The following COL16A1 variants were observed in gnomAD, a reference collection of about 807,000 sequenced individuals.
COL16A1 encodes the protein collagen type XVI alpha 1 chain.
COL16A1 carries 189 observed loss-of-function variants against 266.3 expected under a neutral mutation model. The observed-to-expected ratio is 0.71, with a 90% CI of 0.63 to 0.80. COL16A1 has a LOEUF of 0.80. COL16A1 is among the 30% of genes least tolerant of loss of function. The probability of loss-of-function intolerance (pLI) is 0.00; values close to 1 mark genes in which losing one functional copy is unlikely to be tolerated. For synonymous variants in COL16A1, 740 were observed against 782.3 expected, an observed-to-expected ratio of 0.95 and a Z score of 0.90; for missense variants, 1,928 against 2,122.4, an observed-to-expected ratio of 0.91 and a Z score of 1.80.
At chr1:31,671,019 T>A (rs889637719) in intron 48 of COL16A1, among the ~76,000 whole-genome samples, 3 of 152,150 alleles carry the variant, frequency 2.0e-5, no homozygotes, top group Admixed American at 2.0e-4. Context: ...CTAAGACAGC[T>A]CCCACCAGCC....
At chr1:31,667,756 T>C in intron 51 of COL16A1, 128 bp from the exon 52 acceptor site, 1 of 933,794 alleles carries the variant, frequency 1.1e-6, no homozygotes, top group Non-Finnish European at 1.7e-6. Context: ...GGAGGACCGC[T>C]GGGTGCTCCA....
chr1:31,684,976 T>C (rs1407781837), intron 29 of COL16A1, 120 bp from the exon 30 acceptor site: 27 of 1,575,980 alleles, frequency 1.7e-5, no homozygotes, highest in African/African-American at 1.3e-4. Flanking sequence ...GCTTTCGTGC[T>C]AGTGAAGCAA....
Position 31,668,206 on chromosome 1 carries a change from G to T in COL16A1, c.3262C>A (p.Gln1088Lys). ...CCCGTGGCACCTGGGTAACCTGGTT[G>T]CCCTGGAGGACCCTGCAAAGAAAGG... ...GDKGEPGPPGQPGYPGATGPP... is the reference protein window; with the variant it reads ...GDKGEPGPPGKPGYPGATGPP... The change falls in exon 51 of 71, where the codon CAA (glutamine) becomes AAA (lysine). Residue 1088 changes from glutamine to lysine, a missense_variant. Physicochemically the swap from Gln to Lys is moderately conservative, Grantham distance 53 (BLOSUM62 1). Around this residue, in one of 2 missense-constraint regions of COL16A1, gnomAD observed 1,552 missense variants for 1,637.2 expected, o/e 0.95. Transcript: ENST00000373672. The surrounding 1 kb of genome is among the most constrained non-coding windows in gnomAD (Gnocchi z 5.8). The T allele has an allele frequency of 6.2e-7, 1 of 1,613,380 alleles. No individual in the cohort carries two copies. Among genetic ancestry groups the T allele is most frequent in the Non-Finnish European group, 8.5e-7 (1 of 1,179,624 alleles).
intron 56 of COL16A1, 28 bp from the exon 57 acceptor site, chr1:31,662,686 C>CCCCCG: frequency 1.9e-5 from 19 of 1,021,286 alleles, no homozygotes; most frequent in East Asian, 6.1e-5. Flanking sequence ...CCCCCCCCCC[C>CCCCCG]GCCCCACAAT....
Position 31,689,080 on chromosome 1 carries a change from G to A in COL16A1, c.1626C>T (p.Asp542=). The change falls in exon 24 of 71, where the codon GAC becomes GAT. Residue 542 remains aspartate, a synonymous_variant. Transcript: ENST00000373672. ...CTCCTTTGATGCCTTGGATGCCAGG[G>A]TCTCCCTGCAGGGTAAAAAGGTTTG... The part of the protein sequence containing the change: ...EPGDPVPARG[D]PGIQGIKGEK... 6.2e-7 allele frequency: 1 copy of A among 1,613,816 alleles called. No individual in the cohort carries two copies. Among genetic ancestry groups the A allele is most frequent in the Non-Finnish European group, 8.5e-7 (1 of 1,180,022 alleles).
In COL16A1 at chr1:31,652,662, G is replaced by A; in HGVS notation, c.4804C>T (p.Pro1602Ser). 6.3e-7 allele frequency: 1 copy of A among 1,577,898 alleles called. No homozygotes were observed. Among genetic ancestry groups the A allele is most frequent in the South Asian group, 1.2e-5 (1 of 84,930 alleles). ...GCAGGTGGGGAATTTCAGCCAAAAG[G>A]CCCCTTCATGGTTTTCATGGGTGGG... ...QYPPMKTMKG[P>S]FG The change falls in exon 71 of 71, where the codon CCT (proline) becomes TCT (serine). Residue 1602 changes from proline (P) to serine (S), a missense_variant. Physicochemically the swap from Pro to Ser is moderately conservative, Grantham distance 74. Coordinates refer to ENST00000373672, the MANE Select transcript of COL16A1 (RefSeq NM_001856.4). This position sits in a 1 kb window ranked among gnomAD's most constrained non-coding sequence, Gnocchi z 4.8.
intron 12 of COL16A1, among the ~76,000 whole-genome samples, chr1:31,693,597 T>C (rs1644372784): frequency 1.3e-5 from 2 of 152,176 alleles, no homozygotes; most frequent in Admixed American, 6.5e-5. Flanking sequence ...CCTCAGTTTC[T>C]TCATCAATAA....
At chr1:31,672,571 G>A (rs772063320) in intron 46 of COL16A1, 25 bp downstream of exon 46, 40 of 1,610,704 alleles carry the variant, frequency 2.5e-5, no homozygotes, top group Middle Eastern at 3.3e-4. Flanking sequence ...GGGCATGATC[G>A]GGGGAGATAA....
Position 31,688,565 on chromosome 1 carries a change from G to GGTCC in COL16A1, c.1768-67_1768-64dup. ...ACTCCCACCTCTCCAAGGCTCCCCG[G>GGTCC]GTCCCAGTGTCCAACCAGAAACAGA... On this transcript the variant is annotated intron_variant, in intron 25 of 70. Transcript: ENST00000373672. The surrounding 1 kb of genome is among the most constrained non-coding windows in gnomAD (Gnocchi z 4.9). The GGTCC allele has an allele frequency of 4.4e-6, 7 of 1,604,016 alleles. No homozygotes were observed. The South Asian group carries it at 7.7e-5, about 18-fold the overall frequency.
At position 31,698,274 on chromosome 1, in the gene COL16A1, G is replaced by A. The variant is rs1644585363; in HGVS notation, c.391-102C>T. 6.4e-7 allele frequency: 1 copy of A among 1,553,590 alleles called. No homozygotes were observed. The highest frequency in any genetic ancestry group is 8.7e-7 in the Non-Finnish European group (1 of 1,153,114). Reference sequence around the variant, plus strand: ...GAACTCATTTCACAGGAGGGGAACTGAGGCCCAGAAAGAGAAGAAAGCCGG... The same window carrying A: ...GAACTCATTTCACAGGAGGGGAACTAAGGCCCAGAAAGAGAAGAAAGCCGG... On this transcript the variant is annotated intron_variant, in intron 5 of 70. Transcript: ENST00000373672. This position sits in a 1 kb window ranked among gnomAD's most constrained non-coding sequence, Gnocchi z 4.1.
chr1:31,689,019 G>T, intron 24 of COL16A1, 31 bp downstream of exon 24: 1 of 1,613,998 alleles, frequency 6.2e-7, no homozygotes, highest in Non-Finnish European at 8.5e-7. Context: ...GTAGGCAGAG[G>T]AGGGCAGCCA....
intron 42 of COL16A1, among the ~76,000 whole-genome samples, chr1:31,676,662 G>A (rs532381892): frequency 8.5e-5 from 13 of 152,274 alleles, no homozygotes; most frequent in African/African-American, 3.1e-4. Context: ...TGGCTGCAAC[G>A]ATGTTTACAT....
chr1:31,658,660 C>T lies in COL16A1; in HGVS notation c.3931-83G>A, dbSNP rs1035506532. 12 of 1,300,496 alleles carry T rather than the reference C, an allele frequency of 9.2e-6. No individual in the cohort carries two copies. The African/African-American group carries it at 1.2e-4, about 13-fold the overall frequency. 80.6% of individuals were successfully genotyped at this position (1,300,496 alleles called of 1,614,324 possible). ...ATATAGCCAGAGACAGACACCCCATCGTGTGCCAGGGACTACAGGGAGAGG... is the reference window on the plus strand; with the variant it reads ...ATATAGCCAGAGACAGACACCCCATTGTGTGCCAGGGACTACAGGGAGAGG... On this transcript the variant is annotated intron_variant, in intron 63 of 70. Transcript: ENST00000373672.
chr1:31,701,240 G>T, intron 2 of COL16A1: 1 of 902,600 alleles, frequency 1.1e-6, no homozygotes, highest in Non-Finnish European at 1.3e-6. Context: ...CTCACCCCTT[G>T]GCAATGGGCC....
chr1:31,657,174 G>C lies in COL16A1; in HGVS notation c.4021-106C>G. The C allele has an allele frequency of 7.1e-7, 1 of 1,410,626 alleles. No individual in the cohort carries two copies. Among genetic ancestry groups the C allele is most frequent in the South Asian group, 1.2e-5 (1 of 86,706 alleles). 87.4% of individuals were successfully genotyped at this position (1,410,626 alleles called of 1,614,324 possible). ...GCCCAGCCCCCTGTTCCACCCAGAG[G>C]CCACGATCCTCCAGCCCTCACCCTC... On this transcript the variant is annotated intron_variant, in intron 64 of 70. Transcript: ENST00000373672. This position sits in a 1 kb window ranked among gnomAD's most constrained non-coding sequence, Gnocchi z 6.4.
chr1:31,665,207 C>G lies in COL16A1; in HGVS notation c.3520G>C (p.Gly1174Arg), dbSNP rs201587628. 6.3e-7 allele frequency: 1 copy of G among 1,599,198 alleles called. No individual in the cohort carries two copies. The highest frequency in any genetic ancestry group is 8.5e-7 in the Non-Finnish European group (1 of 1,176,144). ...PGPPGFPGKV[G>R]SPGPPGPQAE... ...TGAGGGCCAGGTGGGCCAGGTGATC[C>G]AACTTTGCCTGGGAATCCAGGGGGA... The change falls in exon 56 of 71, where the codon GGA becomes CGA. Residue 1174 changes from glycine to arginine, a missense_variant. By Grantham distance (125) the Gly-to-Arg change is moderately radical (BLOSUM62 -2). Around this residue, in one of 2 missense-constraint regions of COL16A1, gnomAD observed 1,552 missense variants for 1,637.2 expected, o/e 0.95. Transcript: ENST00000373672.
rs781066682 is a variant in COL16A1, at chr1:31,688,750, C to T, written c.1767+111G>A. The T allele has an allele frequency of 8.1e-7, 1 of 1,230,462 alleles. No individual in the cohort carries two copies. The highest frequency in any genetic ancestry group is 1.1e-6 in the Non-Finnish European group (1 of 871,034). 76.2% of individuals were successfully genotyped at this position (1,230,462 alleles called of 1,614,324 possible). On this transcript the variant is annotated intron_variant, in intron 25 of 70. Coordinates refer to ENST00000373672, the MANE Select transcript of COL16A1 (RefSeq NM_001856.4). The surrounding 1 kb of genome is among the most constrained non-coding windows in gnomAD (Gnocchi z 4.9). ...GACAGGCCTGGGACACCTGCCTCTT[C>T]CCCTCCCTCCTGATCCCTGCCCTGA... is the stretch of plus-strand genomic sequence containing the variant.
At chr1:31,684,472 A>T in intron 31 of COL16A1, 51 bp downstream of exon 31, 1 of 1,584,620 alleles carries the variant, frequency 6.3e-7, no homozygotes, top group Non-Finnish European at 8.6e-7. Context: ...GCGACACCTG[A>T]TTTTTTTTAT....
chr1:31,680,978 C>A (rs779379307), intron 38 of COL16A1, 45 bp downstream of exon 38: 1 of 1,613,942 alleles, frequency 6.2e-7, no homozygotes, highest in South Asian at 1.1e-5. Context: ...GGTGCCGAGG[C>A]AGGGCCGGCC....
Sources: allele counts gnomAD v4.1 joint callset (sites outside exome capture counted in the v4.1 genomes callset), GRCh38; gene constraint gnomAD v4.1.1; regional missense constraint gnomAD v4.1.1; non-coding constraint Gnocchi (gnomAD v3.1); transcripts MANE v1.5; gene names NCBI Gene and HGNC (gene_info 2026-07-23, HGNC 2026-07-21).